The following LRGUK variants were observed in gnomAD, a reference collection of about 807,000 sequenced individuals.
LRGUK encodes the protein leucine rich repeats and guanylate kinase domain containing, also known as leucine-rich repeat and guanylate kinase domain-containing protein.
LRGUK carries 65 observed loss-of-function variants against 76.0 expected under a neutral mutation model. The ratio of observed to expected loss-of-function variants is 0.85; its 90% CI spans 0.70 to 1.05. LRGUK has a LOEUF of 1.05. Among genes scored for constraint, LRGUK ranks in the 50% least tolerant of loss-of-function variants. LRGUK has a pLI of 0.00. For synonymous variants in LRGUK, 268 were observed against 265.6 expected (o/e 1.01, Z -0.09); for missense variants, 758 against 732.8 (o/e 1.03, Z -0.40).
downstream of LRGUK, among the ~76,000 whole-genome samples, chr7:134,266,758 C>T (rs1802864251): frequency 6.6e-6 from 1 of 152,066 alleles, no homozygotes; most frequent in East Asian, 1.9e-4. Flanking sequence ...CCCGAAATCT[C>T]TAAATTTGGC....
chr7:134,261,367 T>C (rs1802723462), intron 19 of LRGUK, among the ~76,000 whole-genome samples: 2 of 152,170 alleles, frequency 1.3e-5, no homozygotes, highest in Non-Finnish European at 2.9e-5. Flanking sequence ...TCCAGCTCAA[T>C]TTGTATCAAA....
At chr7:134,275,028 G>T in the LRGUK span, among the ~76,000 whole-genome samples, 1 of 151,634 alleles carries the variant, frequency 6.6e-6, no homozygotes, top group Non-Finnish European at 1.5e-5. Context: ...TCACTTATTG[G>T]TTTATGCTTT....
At chr7:134,204,319 C>T (rs372842667) in intron 15 of LRGUK, among the ~76,000 whole-genome samples, 79 of 152,254 alleles carry the variant, frequency 5.2e-4, no homozygotes, top group African/African-American at 1.7e-3. Context: ...TTGATTCTAA[C>T]GGGTATAATA....
rs116637129 is a variant in LRGUK, at chr7:134,251,671, T to C, written c.2198+2595T>C. ...GTTATACATATAAGCTACTATCGTA[T>C]GCACTATATCTTTATCACTTTGGGT... On this transcript the variant is annotated intron_variant, in intron 18 of 19. Transcript: ENST00000285928. 5.7e-3 allele frequency among the ~76,000 whole-genome samples: 874 copies of C among 152,346 alleles called. 11 individuals carry two copies. The highest frequency in any genetic ancestry group is 0.02 in the African/African-American group (813 of 41,574).
rs148239098 is a variant in LRGUK, at chr7:134,209,343, A to G, written c.2480A>G (p.Asp827Gly). 1.5e-4 allele frequency: 59 copies of G among 399,052 alleles called. No individual in the cohort carries two copies. The East Asian group carries it at 2.1e-3, about 14-fold the overall frequency. 24.7% of individuals were successfully genotyped at this position (399,052 alleles called of 1,614,324 possible). The change falls in exon 16 of 16, where the codon GAT becomes GGT. Residue 827 changes from aspartate (D) to glycine (G), a missense_variant. Asp to Gly is a moderately conservative substitution (Grantham distance 94). Transcript: ENST00000645682. ...AGTTCCCACCATGATCCTCCAAAAG[A>G]TTCTTCCCACACTGACTTGGTGCAG...
the LRGUK span, among the ~76,000 whole-genome samples, chr7:134,275,570 A>G: frequency 6.6e-6 from 1 of 152,180 alleles, no homozygotes; most frequent in Admixed American, 6.5e-5. Flanking sequence ...AGACTTTGGC[A>G]TATGGACTCA....
chr7:134,146,613 A>G (rs1283401802), intron 4 of LRGUK, among the ~76,000 whole-genome samples: 1 of 152,074 alleles, frequency 6.6e-6, no homozygotes, highest in African/African-American at 2.4e-5. Flanking sequence ...TTCTTCATAT[A>G]GTTTGCTAAC....
intron 7 of LRGUK, among the ~76,000 whole-genome samples, chr7:134,172,770 C>A (rs1799311675): frequency 6.6e-6 from 1 of 151,922 alleles, no homozygotes; most frequent in African/African-American, 2.4e-5. Context: ...TTGCTTGAGC[C>A]CAGGAGTTCA....
At chr7:134,228,042 A>T (rs1801803795) in intron 16 of LRGUK, among the ~76,000 whole-genome samples, 1 of 152,208 alleles carries the variant, frequency 6.6e-6, no homozygotes, top group African/African-American at 2.4e-5. Context: ...CCCAACTTAG[A>T]CACATATTTG....
chr7:134,275,964 C>G, the LRGUK span, among the ~76,000 whole-genome samples: 52,198 of 152,030 alleles, frequency 0.34, 11,033 homozygotes, highest in South Asian at 0.49. Context: ...CAAAATGAAG[C>G]TTCCTGGTAG....
chr7:134,217,105 T>A (rs1054707978), intron 15 of LRGUK, among the ~76,000 whole-genome samples: 120 of 152,212 alleles, frequency 7.9e-4, no homozygotes, highest in African/African-American at 2.9e-3. Context: ...GTTCTATGTG[T>A]TTTATCTTCT....
chr7:134,200,305 G>A (rs1800714343), intron 14 of LRGUK, among the ~76,000 whole-genome samples: 1 of 151,582 alleles, frequency 6.6e-6, no homozygotes, highest in Non-Finnish European at 1.5e-5. Flanking sequence ...CCAAAGTGCT[G>A]GGATTACAGG....
At chr7:134,183,126 A>G (rs779326299) in intron 10 of LRGUK, among the ~76,000 whole-genome samples, 1 of 152,242 alleles carries the variant, frequency 6.6e-6, no homozygotes, top group Non-Finnish European at 1.5e-5. Flanking sequence ...CTACATTTGT[A>G]TATCAGCTCT....
At chr7:134,186,401 A>G (rs750449602) in intron 11 of LRGUK, among the ~76,000 whole-genome samples, 4 of 152,164 alleles carry the variant, frequency 2.6e-5, no homozygotes, top group African/African-American at 4.8e-5. Context: ...TCTGTAGCCC[A>G]TTGAGGGCAG....
chr7:134,276,234 G>GAAT, the LRGUK span, among the ~76,000 whole-genome samples: 1 of 152,152 alleles, frequency 6.6e-6, no homozygotes, highest in Non-Finnish European at 1.5e-5. Context: ...GTCGACTATA[G>GAAT]AATACGAAAT....
chr7:134,159,191 C>T (rs1436410923), intron 6 of LRGUK, among the ~76,000 whole-genome samples: 2 of 151,696 alleles, frequency 1.3e-5, no homozygotes, highest in East Asian at 3.9e-4. Context: ...AAAAAATTTG[C>T]TGGGCATGGT....
intron 19 of LRGUK, among the ~76,000 whole-genome samples, chr7:134,259,829 G>A (rs1393551927): frequency 2.0e-5 from 3 of 152,138 alleles, no homozygotes; most frequent in Non-Finnish European, 2.9e-5. Flanking sequence ...TCCAGGGCCC[G>A]AGGGAACCGG....
chr7:134,224,419 G>C (rs944258021), intron 16 of LRGUK, among the ~76,000 whole-genome samples: 1 of 152,188 alleles, frequency 6.6e-6, no homozygotes, highest in African/African-American at 2.4e-5. Flanking sequence ...TTGCAGGAAC[G>C]TGGAGGCCAT....
At chr7:134,146,927 T>G (rs1797993730) in intron 4 of LRGUK, among the ~76,000 whole-genome samples, 1 of 151,124 alleles carries the variant, frequency 6.6e-6, no homozygotes, top group Admixed American at 6.6e-5. Flanking sequence ...TTCCAAAACT[T>G]GAGTTTTTCT....
Sources: gnomAD v4.1 joint callset for allele counts (sites outside exome capture counted in the v4.1 genomes callset) on GRCh38, gnomAD v4.1.1 for gene constraint, MANE v1.5 for transcripts, NCBI Gene and HGNC (gene_info 2026-07-23, HGNC 2026-07-21) for gene names.